The following UTRN variants were observed in gnomAD, a reference collection of about 807,000 sequenced individuals.
UTRN encodes the protein dystrophin-related protein 1.
UTRN carries 283 observed loss-of-function variants against 463.9 expected under a neutral mutation model. The ratio of observed to expected loss-of-function variants is 0.61; its 90% CI spans 0.55 to 0.67. The LOEUF (loss-of-function observed/expected upper bound fraction) is 0.67, where lower values mean the gene tolerates loss of function less well. UTRN is among the 30% of genes least tolerant of loss of function. UTRN has a pLI of 0.00. For synonymous variants in UTRN, 1,442 were observed against 1,431.5 expected, an observed-to-expected ratio of 1.01 and a Z score of -0.17; for missense variants, 3,922 against 4,084.3, an observed-to-expected ratio of 0.96 and a Z score of 1.08.
intron 65 of UTRN, among the ~76,000 whole-genome samples, chr6:144,806,847 A>G (rs1368224044): frequency 9.8e-6 from 1 of 102,168 alleles, no homozygotes; most frequent in Non-Finnish European, 2.2e-5. Flanking sequence ...CTCAATGTAG[A>G]AAACAGGAAA....
At chr6:144,800,828 A>G (rs1246585184) in intron 64 of UTRN, among the ~76,000 whole-genome samples, 1 of 152,168 alleles carries the variant, frequency 6.6e-6, no homozygotes, top group Non-Finnish European at 1.5e-5. Flanking sequence ...AAACCTGGAC[A>G]ATGATGTTGC....
chr6:144,304,037 A>G (rs1011138152), intron 2 of UTRN, among the ~76,000 whole-genome samples: 2 of 152,206 alleles, frequency 1.3e-5, no homozygotes, highest in African/African-American at 4.8e-5. Flanking sequence ...TAAAGCTGGG[A>G]TGCTCAGAAA....
chr6:144,511,638 TTATGA>T (rs1423668172), intron 35 of UTRN, among the ~76,000 whole-genome samples: 2 of 152,204 alleles, frequency 1.3e-5, no homozygotes, highest in African/African-American at 4.8e-5. Context: ...CAATGATTGA[TTATGA>T]GCCTTAAACA....
intron 2 of UTRN, among the ~76,000 whole-genome samples, chr6:144,396,333 A>G (rs757040881): frequency 1.3e-5 from 2 of 152,208 alleles, no homozygotes; most frequent in African/African-American, 2.4e-5. Flanking sequence ...AGGCAAATGC[A>G]TAGAAACGGA....
intron 63 of UTRN, among the ~76,000 whole-genome samples, chr6:144,796,899 T>A (rs780673102): frequency 7.2e-5 from 11 of 152,210 alleles, no homozygotes; most frequent in Non-Finnish European, 1.6e-4. Flanking sequence ...ACATGTAGGT[T>A]CACAGAATGA....
At position 144,470,435 on chromosome 6, in the gene UTRN, G is replaced by A. The variant is rs186848507; in HGVS notation, c.3067-3285G>A. 3.1e-4 allele frequency among the ~76,000 whole-genome samples: 47 copies of A among 151,966 alleles called. No homozygotes were observed. The East Asian group carries it at 8.9e-3, about 29-fold the overall frequency. ...CTCCTCAGTTCCCAGACGGGGTCGC[G>A]GCCGGGCAGAGGCGCTCCTCACATC... On this transcript the variant is annotated intron_variant, in intron 23 of 74. Coordinates refer to ENST00000367545, the MANE Select transcript of UTRN (RefSeq NM_007124.3).
chr6:144,689,035 C>G (rs998347776), intron 52 of UTRN, among the ~76,000 whole-genome samples: 3 of 152,148 alleles, frequency 2.0e-5, no homozygotes, highest in African/African-American at 7.2e-5. Flanking sequence ...AGGAAAGCCC[C>G]ACTACCCAGT....
rs755929611 is a variant in UTRN, at chr6:144,557,152, C to A, written c.7135-5C>A. The A allele has an allele frequency of 1.9e-6, 3 of 1,613,034 alleles. No homozygotes were observed. The highest frequency in any genetic ancestry group is 2.5e-6 in the Non-Finnish European group (3 of 1,179,428). ...CTAACAAACAGACCTGCACTTGCAC[C>A]TCAGATACTGCTTCAAGAACTGGGT... On this transcript the variant is annotated splice_polypyrimidine_tract_variant and splice_region_variant and intron_variant, in intron 49 of 74. Transcript: ENST00000367545.
At chr6:144,804,866 A>G (rs1356037396) in intron 65 of UTRN, among the ~76,000 whole-genome samples, 1 of 152,186 alleles carries the variant, frequency 6.6e-6, no homozygotes, top group Non-Finnish European at 1.5e-5. Context: ...GCCCTAAGAA[A>G]GAGTGAGCAG....
At position 144,479,959 on chromosome 6, in the gene UTRN, GA is replaced by G; in HGVS notation, c.3485del (p.Glu1162GlyfsTer7). The G allele has an allele frequency of 6.2e-7, 1 of 1,614,218 alleles. No homozygotes were observed. The highest frequency in any genetic ancestry group is 8.5e-7 in the Non-Finnish European group (1 of 1,180,032). The part of the protein sequence containing the change: ...DFEYKSPEEL[E>X]SAVEEMKRAK... ...TGAGTACAAGTCACCAGAAGAGCTT[GA>G]GAGTGCTGTGGAAGAGATGAAGGTG... is the stretch of plus-strand genomic sequence containing the variant. On this transcript the variant is annotated frameshift_variant, in exon 26 of 75. Coordinates refer to ENST00000367545, the MANE Select transcript of UTRN (RefSeq NM_007124.3). LOFTEE classifies it high-confidence loss of function.
intron 51 of UTRN, among the ~76,000 whole-genome samples, chr6:144,624,266 G>A (rs1775718920): frequency 6.6e-6 from 1 of 152,160 alleles, no homozygotes; most frequent in Non-Finnish European, 1.5e-5. Context: ...CTAGATTTGA[G>A]TATATTACTG....
At chr6:144,457,980 A>G (rs955403812) in intron 19 of UTRN, among the ~76,000 whole-genome samples, 1 of 152,196 alleles carries the variant, frequency 6.6e-6, no homozygotes, top group African/African-American at 2.4e-5. Flanking sequence ...AGAGGATTTG[A>G]AGGTATTTTA....
chr6:144,784,996 T>G (rs965480532), intron 61 of UTRN, among the ~76,000 whole-genome samples: 6 of 152,266 alleles, frequency 3.9e-5, no homozygotes, highest in African/African-American at 1.4e-4. Context: ...GTTATTCTTA[T>G]GACAGTAATG....
In UTRN at chr6:144,577,218, T is replaced by C. The variant is rs2128624764; in HGVS notation, c.7409T>C (p.Val2470Ala). Reference protein sequence around the residue: ...QEAETTVNVLVDASHRENALQ... With the variant: ...QEAETTVNVLADASHRENALQ... ...GCAGAGACCACAGTGAATGTGCTTG[T>C]GGATGCCTCTCATCGGGAGAATGCT... Residue 2470 changes from valine (V) to alanine (A), a missense_variant, in exon 51 of 75, where the codon GTG becomes GCG. This residue lies in a region of UTRN where 1,309 missense variants were observed against 1,452.6 expected (regional missense o/e 0.90). Coordinates refer to ENST00000367545, the MANE Select transcript of UTRN (RefSeq NM_007124.3). The C allele has an allele frequency of 6.2e-7, 1 of 1,613,984 alleles. No individual in the cohort carries two copies. Among genetic ancestry groups the C allele is most frequent in the African/African-American group, 1.3e-5 (1 of 75,022 alleles).
chr6:144,413,783 A>G (rs1784122743), intron 3 of UTRN, among the ~76,000 whole-genome samples: 1 of 152,142 alleles, frequency 6.6e-6, no homozygotes, highest in South Asian at 2.1e-4. Flanking sequence ...TTATGTATTT[A>G]TTATAAATTT....
chr6:144,597,340 A>C (rs1440029926), intron 51 of UTRN, among the ~76,000 whole-genome samples: 3 of 152,190 alleles, frequency 2.0e-5, no homozygotes, highest in Non-Finnish European at 4.4e-5. Flanking sequence ...AACACATTTA[A>C]AAATTCATTT....
intron 53 of UTRN, among the ~76,000 whole-genome samples, chr6:144,724,892 T>TG (rs1787686840): frequency 6.6e-6 from 1 of 152,254 alleles, no homozygotes; most frequent in Non-Finnish European, 1.5e-5. Context: ...AAGGCTACTA[T>TG]AAACATTCAT....
chr6:144,787,103 A>T (rs1166325498), intron 61 of UTRN, among the ~76,000 whole-genome samples: 1 of 152,160 alleles, frequency 6.6e-6, no homozygotes, highest in East Asian at 1.9e-4. Context: ...CCCTGTAGGG[A>T]TCACTTTATC....
chr6:144,797,052 A>G (rs547726570), intron 63 of UTRN, among the ~76,000 whole-genome samples: 4 of 152,144 alleles, frequency 2.6e-5, no homozygotes, highest in Non-Finnish European at 4.4e-5. Context: ...CCATAGCAAT[A>G]TGCTTTCTGT....
Sources: allele counts gnomAD v4.1 joint callset (sites outside exome capture counted in the v4.1 genomes callset), GRCh38; gene constraint gnomAD v4.1.1; regional missense constraint gnomAD v4.1.1; transcripts MANE v1.5; gene names NCBI Gene and HGNC (gene_info 2026-07-23, HGNC 2026-07-21).